Variants in CADM2 observed in about 807,000 individuals in gnomAD.
CADM2 encodes cell adhesion molecule 2, also known as immunoglobulin superfamily member 4D.
In CADM2, 12 loss-of-function variants were observed where a neutral mutation model predicts 49.8. The observed-to-expected ratio is 0.24, with a 90% confidence interval of 0.15 to 0.39. CADM2 has a LOEUF of 0.39. CADM2 is among the 10% of genes least tolerant of loss of function. The pLI, the probability that CADM2 is intolerant of heterozygous loss-of-function variation, is 1.00. For synonymous variants in CADM2, 214 were observed against 175.4 expected (o/e 1.22, Z -1.74); for missense variants, 378 against 492.3 (o/e 0.77, Z 2.20).
At chr3:85,365,662 G>A (rs1239456165) in intron 1 of CADM2, among the ~76,000 whole-genome samples, 1 of 152,114 alleles carries the variant, frequency 6.6e-6, no homozygotes, top group African/African-American at 2.4e-5. Flanking sequence ...AGGCTACAGA[G>A]ATGACACTTA....
intron 1 of CADM2, among the ~76,000 whole-genome samples, chr3:85,700,350 G>A (rs1239888042): frequency 6.6e-6 from 1 of 152,162 alleles, no homozygotes; most frequent in Admixed American, 6.5e-5. Flanking sequence ...TGGGGGACTA[G>A]GGGAGGGATA....
chr3:85,389,424 C>A (rs1445101053), intron 1 of CADM2, among the ~76,000 whole-genome samples: 1 of 152,054 alleles, frequency 6.6e-6, no homozygotes, highest in East Asian at 1.9e-4. Flanking sequence ...AGTTACAAGA[C>A]ATCTAGGAAG....
At chr3:85,140,158 C>G (rs1048328286) in intron 1 of CADM2, among the ~76,000 whole-genome samples, 2 of 152,148 alleles carry the variant, frequency 1.3e-5, no homozygotes, top group African/African-American at 4.8e-5. Flanking sequence ...CCTATATTTT[C>G]AAAAGCCTCC....
chr3:85,993,401 A>G (rs2108712004), intron 8 of CADM2: 1 of 152,236 alleles, frequency 6.6e-6, no homozygotes, highest in East Asian at 1.9e-4. Context: ...TACTTCCACC[A>G]CTGAAGTCTT....
Position 86,015,589 on chromosome 3 carries a change from C to T in CADM2, c.971-50016C>T, listed in dbSNP as rs149954800. Among the ~76,000 whole-genome samples, 259 of 152,246 alleles carry T rather than the reference C, an allele frequency of 1.7e-3. 2 individuals are homozygous for T. Among genetic ancestry groups the T allele is most frequent in the African/African-American group, 5.8e-3 (239 of 41,546 alleles). On this transcript the variant is annotated intron_variant, in intron 8 of 9. Transcript: ENST00000383699. ...TCTCCTGGACAGTTACAAGAAATTA[C>T]CGGAGAAAAGCTTGTGAGCTCGCCA...
intron 8 of CADM2, among the ~76,000 whole-genome samples, chr3:85,985,889 A>C (rs1019553002): frequency 6.6e-6 from 1 of 152,078 alleles, no homozygotes; most frequent in Non-Finnish European, 1.5e-5. Flanking sequence ...TGTCAAACTC[A>C]TATTTAATGT....
At chr3:86,032,843 C>A (rs1734713233) in intron 8 of CADM2, among the ~76,000 whole-genome samples, 1 of 151,538 alleles carries the variant, frequency 6.6e-6, no homozygotes, top group African/African-American at 2.4e-5. Flanking sequence ...TAATTTTTTT[C>A]AAAATTCCTT....
At chr3:85,363,907 G>A (rs1027549066) in intron 1 of CADM2, among the ~76,000 whole-genome samples, 1 of 152,168 alleles carries the variant, frequency 6.6e-6, no homozygotes, top group Non-Finnish European at 1.5e-5. Context: ...CACCGCGCCC[G>A]GCCTTGATTT....
intron 4 of CADM2, among the ~76,000 whole-genome samples, chr3:85,884,160 C>G (rs2108393702): frequency 6.6e-6 from 1 of 152,306 alleles, no homozygotes; most frequent in South Asian, 2.1e-4. Context: ...CCACAGACGT[C>G]AGTGCCCCAA....
intron 7 of CADM2, among the ~76,000 whole-genome samples, chr3:85,943,194 C>A (rs1184948753): frequency 2.0e-5 from 3 of 146,480 alleles, no homozygotes; most frequent in Non-Finnish European, 4.5e-5. Context: ...TTGTTTTTTT[C>A]TTGTAAATTT....
intron 2 of CADM2, among the ~76,000 whole-genome samples, chr3:85,784,587 T>C (rs973061277): frequency 4.6e-5 from 7 of 151,520 alleles, no homozygotes; most frequent in African/African-American, 1.7e-4. Flanking sequence ...TCTAACACGT[T>C]TGGTTTCACA....
At chr3:85,032,637 A>G (rs1214536324) in intron 1 of CADM2, among the ~76,000 whole-genome samples, 1 of 152,116 alleles carries the variant, frequency 6.6e-6, no homozygotes, top group African/African-American at 2.4e-5. Context: ...CCCTTTAATC[A>G]TCGGAGAAGT....
intron 1 of CADM2, among the ~76,000 whole-genome samples, chr3:85,413,713 G>C (rs866900577): frequency 1.9e-4 from 29 of 152,200 alleles, no homozygotes; most frequent in African/African-American, 7.0e-4. Context: ...CCACCCTCAC[G>C]ATCCAATCAC....
intron 1 of CADM2, among the ~76,000 whole-genome samples, chr3:85,245,840 G>A (rs2042634141): frequency 6.6e-6 from 1 of 152,190 alleles, no homozygotes; most frequent in African/African-American, 2.4e-5. Context: ...CCTCCCAGGA[G>A]TCACACAAGA....
At chr3:85,158,892 C>G (rs2040227253) in intron 1 of CADM2, among the ~76,000 whole-genome samples, 1 of 151,662 alleles carries the variant, frequency 6.6e-6, no homozygotes, top group Non-Finnish European at 1.5e-5. Context: ...AAAATTAACA[C>G]TGCATTTATT....
chr3:85,952,774 A>G (rs561767469), intron 7 of CADM2, among the ~76,000 whole-genome samples: 28 of 150,578 alleles, frequency 1.9e-4, no homozygotes, highest in African/African-American at 6.1e-4. Flanking sequence ...GCTTTCCTTT[A>G]TTATTTCTCT....
chr3:85,592,311 G>A (rs1224330617), intron 1 of CADM2, among the ~76,000 whole-genome samples: 1 of 151,896 alleles, frequency 6.6e-6, no homozygotes, highest in Non-Finnish European at 1.5e-5. Context: ...GACTGAAGAT[G>A]AAGTGATTCT....
rs1271514209 is a variant in CADM2 at position 85,294,062 on chromosome 3, T to C, written c.61+334394T>C. On this transcript the variant is annotated intron_variant, in intron 1 of 9. Coordinates refer to ENST00000383699, the MANE Select transcript of CADM2 (RefSeq NM_001167675.2). ...ACCCCATTGTCTCAGCCCAACATCT[T>C]CTTAAGCTGATAAGCAACTTCAGCA... Among the ~76,000 whole-genome samples the C allele has an allele frequency of 6.1e-4, 92 of 151,708 alleles. 1 individual carries two copies. The highest frequency in any genetic ancestry group is 3.4e-3 in the Middle Eastern group (1 of 294).
At chr3:85,246,486 T>C (rs894812821) in intron 1 of CADM2, among the ~76,000 whole-genome samples, 16 of 152,040 alleles carry the variant, frequency 1.1e-4, no homozygotes, top group African/African-American at 3.9e-4. Context: ...TTTATTGTCA[T>C]TGGTACTGAG....
Sources: gnomAD v4.1 joint callset for allele counts (sites outside exome capture counted in the v4.1 genomes callset) on GRCh38, gnomAD v4.1.1 for gene constraint, MANE v1.5 for transcripts, NCBI Gene and HGNC (gene_info 2026-07-23, HGNC 2026-07-21) for gene names.